GART: variants seen among roughly 807,000 people sequenced by gnomAD.
The protein encoded by GART is phosphoribosylglycinamide formyltransferase, phosphoribosylglycinamide synthetase, phosphoribosylaminoimidazole synthetase.
GART carries 43 observed loss-of-function variants against 107.2 expected under a neutral mutation model. That is an observed-to-expected ratio of 0.40 (90% confidence interval 0.31 to 0.52). The LOEUF is 0.52. Among genes scored for constraint, GART ranks in the 20% least tolerant of loss-of-function variants. GART has a pLI of 0.52. For missense variants in GART, 1,107 were observed against 1,206.5 expected, an observed-to-expected ratio of 0.92 and a Z score of 1.22; for synonymous variants, 434 against 427.0, an observed-to-expected ratio of 1.02 and a Z score of -0.20.
chr21:33,520,505 C>G lies in GART; in HGVS notation c.1561G>C (p.Val521Leu). ...GCTCCTTGTGCCAGAATATCATTAA[C>G]ACACATTGCTACCAAATCTTGACCA... The part of the protein sequence containing the change: ...TIGQDLVAMC[V>L]NDILAQGAEP... The change falls in exon 14 of 22, where the codon GTT becomes CTT. Residue 521 changes from valine (V) to leucine (L), a missense_variant. Physicochemically the swap from Val to Leu is conservative, Grantham distance 32 (BLOSUM62 1). Coordinates refer to ENST00000381815, the MANE Select transcript of GART (RefSeq NM_000819.5). The G allele has an allele frequency of 1.2e-6, 2 of 1,614,184 alleles. No individual in the cohort carries two copies. The highest frequency in any genetic ancestry group is 2.2e-5 in the South Asian group (2 of 91,076).
intron 9 of GART, 67 bp from the exon 10 acceptor site, chr21:33,528,402 G>GGT: frequency 6.4e-7 from 1 of 1,570,006 alleles, no homozygotes; most frequent in Non-Finnish European, 8.7e-7. Flanking sequence ...TTTATTCACT[G>GGT]GTGTACTAGC....
At chr21:33,538,070 C>T (rs918214805) in intron 2 of GART, among the ~76,000 whole-genome samples, 2 of 151,680 alleles carry the variant, frequency 1.3e-5, no homozygotes, top group Admixed American at 1.3e-4. Context: ...TAGTGAAACC[C>T]GGTCTCTACT....
chr21:33,530,935 A>G, intron 6 of GART, 51 bp from the exon 7 acceptor site: 2 of 1,480,610 alleles, frequency 1.4e-6, no homozygotes, highest in Non-Finnish European at 1.8e-6. Flanking sequence ...AAAACTAAAA[A>G]AAAAAATTTA....
intron 14 of GART, among the ~76,000 whole-genome samples, chr21:33,520,060 G>A (rs2084942519): frequency 6.6e-6 from 1 of 152,080 alleles, no homozygotes; most frequent in Non-Finnish European, 1.5e-5. Flanking sequence ...TGTTTGTTGA[G>A]GAGGCTACTG....
chr21:33,523,897 G>A lies in GART; in HGVS notation c.1298+872C>T, dbSNP rs1601200900. 8 of 495,150 alleles carry A rather than the reference G, an allele frequency of 1.6e-5. No homozygotes were observed. In the Admixed American group the frequency reaches 4.5e-4, roughly 28 times the overall value. 30.7% of individuals were successfully genotyped at this position (495,150 alleles called of 1,614,324 possible). A position where few individuals can be genotyped will look rare whatever the true frequency, so the allele number is the denominator to read the frequency against. ...AAGGGGAATCACTTGAACCCGGGAG[G>A]TGGAGGTTGCAGTGAGGCGAGATCA... On this transcript the variant is annotated intron_variant, in intron 11 of 21. Coordinates refer to ENST00000381815, the MANE Select transcript of GART (RefSeq NM_000819.5).
At chr21:33,542,422 C>T (rs918274300), upstream of GART, 1 of 152,544 alleles carries the variant, frequency 6.6e-6, no homozygotes, top group African/African-American at 2.4e-5. Context: ...GAGCAGCTAC[C>T]GCGGAAAAAT....
At chr21:33,505,810 G>A (rs1459845069) in intron 19 of GART, 108 bp from the exon 20 acceptor site, 1 of 1,331,396 alleles carries the variant, frequency 7.5e-7, no homozygotes, top group African/African-American at 1.5e-5. Flanking sequence ...AGATATACCT[G>A]ATAGAGAGAT....
chr21:33,532,177 C>A, intron 5 of GART, 168 bp downstream of exon 5: 1 of 604,278 alleles, frequency 1.7e-6, no homozygotes, highest in South Asian at 2.1e-5. Context: ...AGTGTAAATC[C>A]ATAACTATTT....
Position 33,509,926 on chromosome 21 carries a change from T to G in GART, c.2315-6A>C. 1.2e-6 allele frequency: 2 copies of G among 1,605,754 alleles called. No homozygotes were observed. The highest frequency in any genetic ancestry group is 1.7e-4 in the Middle Eastern group (1 of 6,026). ...GACTTTCACACGTGGGGAACCTTCATTTCAAACATATCCATAAATAAGTAA... is the reference window on the plus strand; with the variant it reads ...GACTTTCACACGTGGGGAACCTTCAGTTCAAACATATCCATAAATAAGTAA... On this transcript the variant is annotated splice_polypyrimidine_tract_variant and splice_region_variant and intron_variant, in intron 17 of 21. Coordinates refer to ENST00000381815, the MANE Select transcript of GART (RefSeq NM_000819.5).
chr21:33,518,893 G>T, intron 14 of GART: 1 of 527,476 alleles, frequency 1.9e-6, no homozygotes, highest in East Asian at 4.8e-5. Context: ...GCCTGTAATG[G>T]TGAAAGTGTT....
At chr21:33,532,302 A>C in intron 5 of GART, 43 bp downstream of exon 5, 1 of 1,317,978 alleles carries the variant, frequency 7.6e-7, no homozygotes, top group Non-Finnish European at 1.1e-6. Flanking sequence ...GTATTTATTC[A>C]GTATGAATAG....
chr21:33,510,153 A>G (rs2084759061), intron 17 of GART: 2 of 463,690 alleles, frequency 4.3e-6, no homozygotes, highest in Non-Finnish European at 7.7e-6. Context: ...TCACATCACT[A>G]TCTTGAAGTG....
intron 1 of GART, among the ~76,000 whole-genome samples, chr21:33,541,255 T>C (rs548517884): frequency 2.0e-5 from 3 of 152,256 alleles, no homozygotes; most frequent in African/African-American, 7.2e-5. Flanking sequence ...AGCGATTCTC[T>C]TGCCTCACAG....
At position 33,516,985 on chromosome 21, in the gene GART, T is replaced by C. The variant is rs1313499937; in HGVS notation, c.2107+4A>G. 3 of 1,588,266 alleles carry C rather than the reference T, an allele frequency of 1.9e-6. No homozygotes were observed. Among genetic ancestry groups the C allele is most frequent in the Non-Finnish European group, 2.6e-6 (3 of 1,173,116 alleles). On this transcript the variant is annotated splice_donor_region_variant and intron_variant, in intron 16 of 21. Coordinates refer to ENST00000381815, the MANE Select transcript of GART (RefSeq NM_000819.5). ...TGAACAGAAGTTCGTTTTAGTGATC[T>C]TACCTAAATCTACCCCAAGTTTCTC...
Position 33,506,034 on chromosome 21 carries a change from G to C in GART, c.2523C>G (p.Ile841Met). Residue 841 changes from isoleucine (I) to methionine (M), a missense_variant, in exon 19 of 22, where the codon ATC becomes ATG. Transcript: ENST00000381815. ...ACCCAGCTACTGCGGCTTTGTTGGAGATAACAATATCAATTTGTGCAGAGC... is the reference window on the plus strand; with the variant it reads ...ACCCAGCTACTGCGGCTTTGTTGGACATAACAATATCAATTTGTGCAGAGC... ...PNSSAQIDIV[I>M]SNKAAVAGLD... 1 of 1,614,172 alleles carries C rather than the reference G, an allele frequency of 6.2e-7. No individual in the cohort carries two copies.
intron 2 of GART, among the ~76,000 whole-genome samples, chr21:33,538,285 G>C (rs1017932034): frequency 2.7e-5 from 4 of 149,434 alleles, no homozygotes; most frequent in Admixed American, 1.3e-4. Context: ...TAAGGGTTGA[G>C]ATCTATTAGA....
Position 33,517,501 on chromosome 21 carries a change from T to C in GART, c.1810A>G (p.Arg604Gly). The C allele has an allele frequency of 1.2e-6, 2 of 1,614,240 alleles. No homozygotes were observed. The highest frequency in any genetic ancestry group is 8.5e-7 in the Non-Finnish European group (1 of 1,180,046). ...ERDQKLPHLE[R>G]ITEGDVVVGI... ...ACAACAACATCACCCTCAGTGATTCTTTCCAGGTGAGGGAGTTTCTGATCT... is the reference window on the plus strand; with the variant it reads ...ACAACAACATCACCCTCAGTGATTCCTTCCAGGTGAGGGAGTTTCTGATCT... The change falls in exon 15 of 22, where the codon AGA (arginine) becomes GGA (glycine). Residue 604 changes from arginine (R) to glycine (G), a missense_variant. Transcript: ENST00000381815.
chr21:33,534,812 T>C (rs2085273667), intron 3 of GART, 59 bp from the exon 4 acceptor site: 3 of 1,425,674 alleles, frequency 2.1e-6, no homozygotes, highest in Admixed American at 2.5e-5. Context: ...CTTTTCAGCC[T>C]GAAGACGAAT....
In GART at chr21:33,528,911, A is replaced by C. The variant is rs139699867; in HGVS notation, c.750T>G (p.Ile250Met). The C allele has an allele frequency of 6.2e-7, 1 of 1,612,650 alleles. No individual in the cohort carries two copies. The highest frequency in any genetic ancestry group is 8.5e-7 in the Non-Finnish European group (1 of 1,178,706). The change falls in exon 8 of 22, where the codon ATT (isoleucine) becomes ATG (methionine). Residue 250 changes from isoleucine (I) to methionine (M), a missense_variant. Coordinates refer to ENST00000381815, the MANE Select transcript of GART (RefSeq NM_000819.5). The stretch of plus-strand genomic sequence containing the variant: ...CTGTCCTCTGAAGAACAGTATCTTT[A>C]ATTTTTAGTAATAGATCATTAGAAA... The part of the protein sequence containing the change: ...PQVSNDLLLK[I>M]KDTVLQRTVD...
Sources: allele counts gnomAD v4.1 joint callset (sites outside exome capture counted in the v4.1 genomes callset), GRCh38; gene constraint gnomAD v4.1.1; transcripts MANE v1.5; gene names NCBI Gene and HGNC (gene_info 2026-07-23, HGNC 2026-07-21).